LSM6: variants seen among roughly 807,000 people sequenced by gnomAD.
The protein encoded by LSM6 is LSM6 homolog, U6 small nuclear RNA and mRNA degradation associated, also known as U6 snRNA-associated Sm-like protein LSm6.
Under a neutral mutation model 13.5 loss-of-function variants are expected in LSM6, and 2 were observed. That is an observed-to-expected ratio of 0.15 (90% confidence interval 0.06 to 0.47). The LOEUF is 0.47. Among genes scored for constraint, LSM6 ranks in the 20% least tolerant of loss-of-function variants. The pLI is 0.97. For synonymous variants in LSM6, 43 were observed against 34.9 expected (o/e 1.23, Z -0.82); for missense variants, 58 against 96.4 (o/e 0.60, Z 1.67).
intron 1 of LSM6, chr4:146,181,416 A>C (rs1730227891): frequency 6.6e-6 from 1 of 152,154 alleles, no homozygotes; most frequent in African/African-American, 2.4e-5. Flanking sequence ...CATGTTTTTG[A>C]ATTTCCTTGC....
intron 3 of LSM6, among the ~76,000 whole-genome samples, chr4:146,188,558 T>C (rs532769820): frequency 6.6e-6 from 1 of 152,320 alleles, no homozygotes; most frequent in Admixed American, 6.5e-5. Flanking sequence ...ATCTGTGCTA[T>C]GTTCTTTGAT....
chr4:146,179,671 A>G (rs1730188953), intron 1 of LSM6, among the ~76,000 whole-genome samples: 1 of 152,198 alleles, frequency 6.6e-6, no homozygotes, highest in Non-Finnish European at 1.5e-5. Context: ...AGACCCACAT[A>G]AAGAATACAA....
At chr4:146,180,386 A>T (rs1014956539) in intron 1 of LSM6, among the ~76,000 whole-genome samples, 29 of 152,250 alleles carry the variant, frequency 1.9e-4, no homozygotes, top group African/African-American at 7.0e-4. Context: ...GAAGAGATTG[A>T]TGTTAATTGG....
chr4:146,178,630 AC>A (rs1368768926), intron 1 of LSM6, among the ~76,000 whole-genome samples: 2 of 152,252 alleles, frequency 1.3e-5, no homozygotes, highest in African/African-American at 4.8e-5. Flanking sequence ...GTAAAAACTT[AC>A]AGGTAAACAT....
chr4:146,176,768 A>G (rs1233822843), intron 1 of LSM6: 2 of 152,006 alleles, frequency 1.3e-5, no homozygotes, highest in Admixed American at 1.3e-4. Flanking sequence ...ATTGTGGGAC[A>G]TTAGATTGTT....
At chr4:146,187,428 CCTTT>C (rs777111723) in intron 3 of LSM6, 41 bp downstream of exon 3, 5 of 1,251,988 alleles carry the variant, frequency 4.0e-6, no homozygotes, top group Non-Finnish European at 5.8e-6. Flanking sequence ...TCAAAATAAG[CCTTT>C]CTATTTATAA....
chr4:146,191,455 A>G lies in LSM6; in HGVS notation c.*1799A>G, dbSNP rs372204455. 9.2e-5 allele frequency: 14 copies of G among 152,352 alleles called. No individual in the cohort carries two copies. Among genetic ancestry groups the G allele is most frequent in the African/African-American group, 3.1e-4 (13 of 41,580 alleles). The allele number at this position is 152,352 out of a possible 1,614,324, so 9.4% of individuals were successfully genotyped here. ...CTACAGTGGAGTACTGTTTTCAACCATGGAACTACTTTTAATCAAGATCAA... is the reference window on the plus strand; with the variant it reads ...CTACAGTGGAGTACTGTTTTCAACCGTGGAACTACTTTTAATCAAGATCAA... On this transcript the variant is annotated 3_prime_UTR_variant, in exon 4 of 4. Transcript: ENST00000296581.
chr4:146,178,582 A>G (rs964277638), intron 1 of LSM6, among the ~76,000 whole-genome samples: 1 of 152,218 alleles, frequency 6.6e-6, no homozygotes, highest in African/African-American at 2.4e-5. Flanking sequence ...TGCTTTTCAA[A>G]TTCTTTTCAC....
rs757224808 is a variant in LSM6, at chr4:146,182,966, C to T, written c.45C>T (p.Ile15=). 9 of 1,613,402 alleles carry T rather than the reference C, an allele frequency of 5.6e-6. No individual in the cohort carries two copies. In the African/African-American group the frequency reaches 1.1e-4, roughly 19 times the overall value. Residue 15 remains isoleucine (I), a synonymous_variant, in exon 2 of 4, where the codon ATC becomes ATT. Transcript: ENST00000296581. ...CCCCTAGTGACTTCTTAAAGCAAAT[C>T]ATCGGACGACCAGTTGTGGTAAAAT... is the stretch of plus-strand genomic sequence containing the variant. ...KQTPSDFLKQ[I]IGRPVVVKLN...
Position 146,189,837 on chromosome 4 carries a change from T to G in LSM6, c.*181T>G. ...TTTAATTGTGAAATGTTCTTTCACT[T>G]GTAAGTTTCAGTCATTTTCTTTTAC... On this transcript the variant is annotated 3_prime_UTR_variant, in exon 4 of 4. Coordinates refer to ENST00000296581, the MANE Select transcript of LSM6 (RefSeq NM_007080.3). The G allele has an allele frequency of 1.9e-6, 1 of 532,002 alleles. No individual in the cohort carries two copies. The highest frequency in any genetic ancestry group is 3.3e-6 in the Non-Finnish European group (1 of 301,430). 33.0% of individuals were successfully genotyped at this position (532,002 alleles called of 1,614,324 possible). A position where few individuals can be genotyped will look rare whatever the true frequency, so the allele number is the denominator to read the frequency against.
At chr4:146,177,944 G>A (rs144128221) in intron 1 of LSM6, among the ~76,000 whole-genome samples, 2 of 152,308 alleles carry the variant, frequency 1.3e-5, no homozygotes, top group East Asian at 3.9e-4. Flanking sequence ...GTAAAATACA[G>A]TGCCTTTACC....
chr4:146,176,576 C>G (rs1730114497), intron 1 of LSM6: 1 of 152,110 alleles, frequency 6.6e-6, no homozygotes, highest in African/African-American at 2.4e-5. Flanking sequence ...CGATCATTTT[C>G]TCTTGTATGT....
chr4:146,180,127 C>T (rs906472756), intron 1 of LSM6, among the ~76,000 whole-genome samples: 1 of 152,236 alleles, frequency 6.6e-6, no homozygotes, highest in African/African-American at 2.4e-5. Context: ...AAATTCAGCT[C>T]AGGTGTTAAC....
chr4:146,183,148 C>T, intron 2 of LSM6, 133 bp downstream of exon 2: 1 of 585,326 alleles, frequency 1.7e-6, no homozygotes, highest in African/African-American at 1.9e-5. Context: ...ATGCATATAT[C>T]TTTTTCTATC....
At chr4:146,182,317 G>A (rs191515970) in intron 1 of LSM6, among the ~76,000 whole-genome samples, 1 of 152,238 alleles carries the variant, frequency 6.6e-6, no homozygotes, top group Admixed American at 6.5e-5. Flanking sequence ...ATACCATTTA[G>A]GCATCAGTTG....
Position 146,183,138 on chromosome 4 carries a change from A to G in LSM6, c.94+123A>G, listed in dbSNP as rs1560712001. The stretch of plus-strand genomic sequence containing the variant: ...AAAGTACTGGTCATCAGTAGTTTTT[A>G]TGCATATATCTTTTTCTATCTCTGA... On this transcript the variant is annotated intron_variant, in intron 2 of 3. Transcript: ENST00000296581. 6.3e-6 allele frequency: 4 copies of G among 634,150 alleles called. No homozygotes were observed. In the East Asian group the frequency reaches 8.7e-5, roughly 14 times the overall value. 39.3% of individuals were successfully genotyped at this position (634,150 alleles called of 1,614,324 possible). A position where few individuals can be genotyped will look rare whatever the true frequency, so the allele number is the denominator to read the frequency against.
rs1730448733 is a variant in LSM6, at chr4:146,190,529, G to C, written c.*873G>C. The C allele has an allele frequency of 6.6e-6, 1 of 152,230 alleles. No homozygotes were observed. Among genetic ancestry groups the C allele is most frequent in the African/African-American group, 2.4e-5 (1 of 41,462 alleles). The allele number at this position is 152,230 out of a possible 1,614,324, so 9.4% of individuals were successfully genotyped here. A position where few individuals can be genotyped will look rare whatever the true frequency, so the allele number is the denominator to read the frequency against. On this transcript the variant is annotated 3_prime_UTR_variant, in exon 4 of 4. Transcript: ENST00000296581. ...TTGGGAAAGAATTTTTCCTAACTCT[G>C]GTCTAGCAAGTGGCTGTAGGGAGGC...
rs56393662 is a variant in LSM6, at chr4:146,190,468, G to A, written c.*812G>A. ...CAGATTAAAGCAAAGCCTAGAGTTT[G>A]TAAACATAATTCAGGTTCTAATTGC... On this transcript the variant is annotated 3_prime_UTR_variant, in exon 4 of 4. Coordinates refer to ENST00000296581, the MANE Select transcript of LSM6 (RefSeq NM_007080.3). The A allele has an allele frequency of 0.18, 27,943 of 152,196 alleles. 2,805 individuals carry two copies. The highest frequency in any genetic ancestry group is 0.27 in the Middle Eastern group (80 of 294). 9.4% of individuals were successfully genotyped at this position (152,196 alleles called of 1,614,324 possible).
At chr4:146,178,511 G>A (rs1294062762) in intron 1 of LSM6, among the ~76,000 whole-genome samples, 2 of 152,212 alleles carry the variant, frequency 1.3e-5, no homozygotes, top group African/African-American at 4.8e-5. Context: ...CGCCTCCTCA[G>A]ACACTGATCT....
Sources: gnomAD v4.1 joint callset for allele counts (sites outside exome capture counted in the v4.1 genomes callset) on GRCh38, gnomAD v4.1.1 for gene constraint, MANE v1.5 for transcripts, NCBI Gene and HGNC (gene_info 2026-07-23, HGNC 2026-07-21) for gene names.